IBTK: variants seen among roughly 807,000 people sequenced by gnomAD.
The protein encoded by IBTK is BTK-binding protein.
In IBTK, 83 loss-of-function variants were observed where a neutral mutation model predicts 154.9. The observed-to-expected ratio is 0.54, with a 90% confidence interval of 0.45 to 0.64. The LOEUF is 0.64. Ranked by LOEUF, IBTK falls within the 30% of genes least tolerant of loss-of-function variation. The pLI, the probability that IBTK is intolerant of heterozygous loss-of-function variation, is 0.00. For synonymous variants in IBTK, 515 were observed against 536.1 expected (o/e 0.96, Z 0.54); for missense variants, 1,332 against 1,584.6 (o/e 0.84, Z 2.71).
At chr6:82,219,559 G>C (rs1383305661) in intron 9 of IBTK, among the ~76,000 whole-genome samples, 6 of 150,880 alleles carry the variant, frequency 4.0e-5, no homozygotes, top group African/African-American at 9.7e-5. Flanking sequence ...ATATTATTTA[G>C]AGATGGCTCC....
At chr6:82,179,718 C>T (rs535508091) in intron 26 of IBTK, among the ~76,000 whole-genome samples, 122 of 152,230 alleles carry the variant, frequency 8.0e-4, no homozygotes, top group African/African-American at 2.7e-3. Context: ...GAGGTGACAA[C>T]TCTTTTGAGA....
At chr6:82,223,806 C>G (rs1466405016) in intron 7 of IBTK, among the ~76,000 whole-genome samples, 186 bp from the exon 8 acceptor site, 1 of 151,984 alleles carries the variant, frequency 6.6e-6, no homozygotes, top group Non-Finnish European at 1.5e-5. Context: ...AAAAAATAGC[C>G]CAGCATGGTG....
rs80073204 is a variant in IBTK, at chr6:82,244,861, ATC to A, written c.-358+2699_-358+2700del. Among the ~76,000 whole-genome samples, 163 of 152,182 alleles carry A rather than the reference ATC, an allele frequency of 1.1e-3. 5 individuals are homozygous for A. In the East Asian group the frequency reaches 0.03, roughly 28 times the overall value. On this transcript the variant is annotated intron_variant, in intron 1 of 28. Transcript: ENST00000306270. The stretch of plus-strand genomic sequence containing the variant: ...AGAGGGAGTCAGACTTCAAATACAG[ATC>A]TGTTTAATGATGAGGTCCGTGCTAT...
intron 26 of IBTK, among the ~76,000 whole-genome samples, chr6:82,176,274 A>T (rs1308681575): frequency 6.6e-6 from 1 of 152,066 alleles, no homozygotes; most frequent in East Asian, 1.9e-4. Flanking sequence ...CTGGAATCCC[A>T]GCACTTTGGG....
At chr6:82,178,724 A>G (rs1003053491) in intron 26 of IBTK, among the ~76,000 whole-genome samples, 2 of 152,256 alleles carry the variant, frequency 1.3e-5, no homozygotes, top group Admixed American at 6.5e-5. Context: ...AATAAAAAAG[A>G]AGTACTATGA....
chr6:82,214,610 C>T lies in IBTK; in HGVS notation c.1821G>A (p.Gln607=). The T allele has an allele frequency of 6.2e-7, 1 of 1,614,062 alleles. No homozygotes were observed. Among genetic ancestry groups the T allele is most frequent in the Non-Finnish European group, 8.5e-7 (1 of 1,179,980 alleles). The change falls in exon 12 of 29, where the codon CAG becomes CAA. Residue 607 remains glutamine (Q), a synonymous_variant. Coordinates refer to ENST00000306270, the MANE Select transcript of IBTK (RefSeq NM_015525.4). ...GGCACCCTGCAGAATCTTCATCTTT[C>T]TGGTAAATATCTGTAAATTCTGAAG... ...GNTSEFTDIY[Q]KDEDSAGCHL...
At chr6:82,197,628 C>A (rs1476242161) in intron 21 of IBTK, among the ~76,000 whole-genome samples, 1 of 152,150 alleles carries the variant, frequency 6.6e-6, no homozygotes, top group Non-Finnish European at 1.5e-5. Context: ...GCCTTGGCCT[C>A]CCAAAGTGCT....
At chr6:82,234,363 T>G in intron 2 of IBTK, 108 bp from the exon 3 acceptor site, 1 of 306,908 alleles carries the variant, frequency 3.3e-6, no homozygotes, top group Non-Finnish European at 5.3e-6. Context: ...GAGACAGAAT[T>G]TCGCTCTTGT....
At chr6:82,208,694 T>G (rs1461650030) in intron 16 of IBTK, among the ~76,000 whole-genome samples, 1 of 152,034 alleles carries the variant, frequency 6.6e-6, no homozygotes, top group East Asian at 1.9e-4. Flanking sequence ...CAGTGAGCCA[T>G]GACCATGCCA....
At chr6:82,203,407 T>C (rs1769285620) in intron 17 of IBTK, among the ~76,000 whole-genome samples, 2 of 152,202 alleles carry the variant, frequency 1.3e-5, no homozygotes, top group South Asian at 4.1e-4. Context: ...ACAGTTGTTT[T>C]CTACATCTGG....
chr6:82,172,762 T>TAC (rs1767973281), intron 27 of IBTK: 2 of 374,374 alleles, frequency 5.3e-6, no homozygotes, highest in South Asian at 9.5e-5. Flanking sequence ...TGAGCGAACC[T>TAC]GGAAGCTTTC....
rs746872926 is a variant in IBTK at position 82,194,644 on chromosome 6, TG to T, written c.3175-3del. Reference sequence around the variant, plus strand: ...ATTAACATACGGTTTGACTTTCGCCTGGGGAGAGAAAAAAAATAAAAAAAGT... The same window carrying T: ...ATTAACATACGGTTTGACTTTCGCCTGGGAGAGAAAAAAAATAAAAAAAGT... On this transcript the variant is annotated splice_region_variant and splice_polypyrimidine_tract_variant and intron_variant, in intron 22 of 28. Coordinates refer to ENST00000306270, the MANE Select transcript of IBTK (RefSeq NM_015525.4). 31 of 1,561,716 alleles carry T rather than the reference TG, an allele frequency of 2.0e-5. No individual in the cohort carries two copies. The Admixed American group carries it at 3.8e-4, about 19-fold the overall frequency.
At chr6:82,208,121 A>C (rs1582218325) in intron 16 of IBTK, among the ~76,000 whole-genome samples, 1 of 150,086 alleles carries the variant, frequency 6.7e-6, no homozygotes, top group South Asian at 2.1e-4. Flanking sequence ...TACTCTCACC[A>C]CAAAAAAAAA....
intron 12 of IBTK, 93 bp from the exon 13 acceptor site, chr6:82,212,886 T>A: frequency 4.3e-6 from 3 of 695,248 alleles, no homozygotes; most frequent in Non-Finnish European, 7.6e-6. Flanking sequence ...CATCTAAATA[T>A]AATACTGTAT....
At chr6:82,220,824 G>T in intron 8 of IBTK, 111 bp from the exon 9 acceptor site, 2 of 888,932 alleles carry the variant, frequency 2.2e-6, no homozygotes, top group Non-Finnish European at 3.3e-6. Context: ...TATTGTGAAG[G>T]TGAAGTAAAA....
chr6:82,230,583 T>G (rs1770467600), intron 4 of IBTK, among the ~76,000 whole-genome samples: 1 of 152,144 alleles, frequency 6.6e-6, no homozygotes, highest in South Asian at 2.1e-4. Flanking sequence ...TAAATAGACA[T>G]GCTCTGAGGT....
At chr6:82,235,249 T>C (rs1489466834) in intron 2 of IBTK, among the ~76,000 whole-genome samples, 1 of 152,160 alleles carries the variant, frequency 6.6e-6, no homozygotes, top group Non-Finnish European at 1.5e-5. Context: ...TCTGGGTTTG[T>C]GTCTGTGTGG....
chr6:82,224,294 C>T (rs543701109), intron 6 of IBTK, 109 bp from the exon 7 acceptor site: 1 of 764,198 alleles, frequency 1.3e-6, no homozygotes, highest in Non-Finnish European at 2.3e-6. Flanking sequence ...TGTTAGTGGT[C>T]CACTCAAGTG....
At chr6:82,237,655 AGTAGTG>A (rs200557149) in intron 2 of IBTK, among the ~76,000 whole-genome samples, 2,166 of 144,190 alleles carry the variant, frequency 0.015, 52 homozygotes, top group African/African-American at 0.045. Flanking sequence ...AGTAGAAGAT[AGTAGTG>A]GTAGTAGTAG....
Sources: allele counts gnomAD v4.1 joint callset (sites outside exome capture counted in the v4.1 genomes callset), GRCh38; gene constraint gnomAD v4.1.1; transcripts MANE v1.5; gene names NCBI Gene and HGNC (gene_info 2026-07-23, HGNC 2026-07-21).